Variants in USP34 observed in about 807,000 individuals in gnomAD.
USP34 encodes ubiquitin specific peptidase 34, also known as ubiquitin carboxyl-terminal hydrolase 34.
USP34 carries 70 observed loss-of-function variants against 460.3 expected under a neutral mutation model. The ratio of observed to expected loss-of-function variants is 0.15; its 90% CI spans 0.13 to 0.19. The LOEUF is 0.19. USP34 is among the 10% of genes least tolerant of loss of function. The pLI, the probability that USP34 is intolerant of heterozygous loss-of-function variation, is 1.00. For synonymous variants in USP34, 1,647 were observed against 1,405.3 expected, an observed-to-expected ratio of 1.17 and a Z score of -3.85; for missense variants, 3,985 against 4,236.2, an observed-to-expected ratio of 0.94 and a Z score of 1.65.
intron 1 of USP34, among the ~76,000 whole-genome samples, chr2:61,427,097 G>C (rs1446405750): frequency 1.1e-4 from 16 of 152,136 alleles, no homozygotes; most frequent in Admixed American, 1.0e-3. Context: ...GCACGATCTC[G>C]GCTTACTGCA....
In USP34 at chr2:61,239,300, T is replaced by TCTCACACA. The variant is rs1213558114; in HGVS notation, c.6777+2259_6777+2260insTGTGTGAG. On this transcript the variant is annotated intron_variant, in intron 53 of 79. Coordinates refer to ENST00000398571, the MANE Select transcript of USP34 (RefSeq NM_014709.4). Reference sequence around the variant, plus strand: ...TTCCTCACTTTAAATGAGGGCCCTGTCACACACACACACACACACACACAC... The same window carrying TCTCACACA: ...TTCCTCACTTTAAATGAGGGCCCTGTCTCACACACACACACACACACACACACACACAC... 2.7e-3 allele frequency among the ~76,000 whole-genome samples: 356 copies of TCTCACACA among 132,844 alleles called. 2 individuals are homozygous for TCTCACACA. The highest frequency in any genetic ancestry group is 9.6e-3 in the African/African-American group (336 of 34,872). 87.2% of individuals were successfully genotyped at this position (132,844 alleles called of 152,430 possible).
chr2:61,353,133 C>G (rs1691994177), intron 10 of USP34, among the ~76,000 whole-genome samples: 1 of 152,198 alleles, frequency 6.6e-6, no homozygotes, highest in Non-Finnish European at 1.5e-5. Flanking sequence ...TCTGGTACAG[C>G]TTCTGGAGAC....
intron 48 of USP34, among the ~76,000 whole-genome samples, chr2:61,249,321 G>A (rs941612854): frequency 6.6e-6 from 1 of 152,308 alleles, no homozygotes; most frequent in Middle Eastern, 3.4e-3. Context: ...AACCAAAAGG[G>A]CCACTAAGTG....
rs1474802348 is a variant in USP34, at chr2:61,226,315, T to C, written c.7595+752A>G. ...CTCAAGTTTTTTGCCACTCTGCATATGCACACGTCTGTGAATGACTGCAAA... is the reference window on the plus strand; with the variant it reads ...CTCAAGTTTTTTGCCACTCTGCATACGCACACGTCTGTGAATGACTGCAAA... On this transcript the variant is annotated intron_variant, in intron 62 of 79. Coordinates refer to ENST00000398571, the MANE Select transcript of USP34 (RefSeq NM_014709.4). Among the ~76,000 whole-genome samples, 5 of 152,352 alleles carry C rather than the reference T, an allele frequency of 3.3e-5. No homozygotes were observed. In the East Asian group the frequency reaches 7.7e-4, roughly 23 times the overall value.
chr2:61,353,473 C>CG (rs2103792567), intron 10 of USP34, among the ~76,000 whole-genome samples: 1 of 151,266 alleles, frequency 6.6e-6, no homozygotes, highest in African/African-American at 2.4e-5. Flanking sequence ...CTCACTGCCA[C>CG]GTGTGCCTCC....
At chr2:61,256,499 A>G (rs781563408) in intron 47 of USP34, 21 bp from the exon 48 acceptor site, 3 of 1,527,296 alleles carry the variant, frequency 2.0e-6, no homozygotes, top group Middle Eastern at 1.7e-4. Context: ...AACCACATTT[A>G]AAAGTTTCAT....
intron 10 of USP34, among the ~76,000 whole-genome samples, chr2:61,351,607 A>G (rs1367519002): frequency 9.9e-5 from 15 of 152,186 alleles, no homozygotes. Flanking sequence ...ATCTATTAAA[A>G]TATAGATTTT....
chr2:61,206,207 C>CG (rs1687114139), intron 71 of USP34, 83 bp from the exon 72 acceptor site: 1 of 1,147,192 alleles, frequency 8.7e-7, no homozygotes, highest in Non-Finnish European at 1.3e-6. Flanking sequence ...CTACAGAATG[C>CG]TAATGCTAGA....
chr2:61,460,878 G>C (rs1332234765), intron 1 of USP34, among the ~76,000 whole-genome samples: 1 of 151,466 alleles, frequency 6.6e-6, no homozygotes, highest in Non-Finnish European at 1.5e-5. Flanking sequence ...AGGTACTCGA[G>C]AGGCTGAGGC....
intron 1 of USP34, among the ~76,000 whole-genome samples, chr2:61,469,542 C>T (rs997254671): frequency 6.6e-6 from 1 of 152,152 alleles, no homozygotes; most frequent in Non-Finnish European, 1.5e-5. Context: ...TAAGTTAGAA[C>T]CCTTCCACTT....
chr2:61,247,203 A>T (rs1171368351), intron 49 of USP34, among the ~76,000 whole-genome samples: 1 of 152,246 alleles, frequency 6.6e-6, no homozygotes, highest in Non-Finnish European at 1.5e-5. Flanking sequence ...ATGATTTATG[A>T]TCTGTATTCC....
intron 8 of USP34, among the ~76,000 whole-genome samples, chr2:61,377,019 A>G (rs1392797401): frequency 2.0e-5 from 3 of 152,210 alleles, no homozygotes; most frequent in Non-Finnish European, 4.4e-5. Flanking sequence ...CTTCTAATAT[A>G]ATCCAGAATT....
chr2:61,457,735 C>T (rs932842616), intron 1 of USP34, among the ~76,000 whole-genome samples: 2 of 152,142 alleles, frequency 1.3e-5, no homozygotes, highest in African/African-American at 4.8e-5. Context: ...ATCATGAGCA[C>T]CTGTAGTCCC....
chr2:61,203,154 G>A lies in USP34; in HGVS notation c.9494C>T (p.Thr3165Ile). 1 of 1,589,034 alleles carries A rather than the reference G, an allele frequency of 6.3e-7. No homozygotes were observed. The highest frequency in any genetic ancestry group is 8.6e-7 in the Non-Finnish European group (1 of 1,167,178). The change falls in exon 75 of 80, where the codon ACA becomes ATA. Residue 3165 changes from threonine to isoleucine, a missense_variant. Physicochemically the swap from Thr to Ile is moderately conservative, Grantham distance 89. Around this residue, in one of 14 missense-constraint regions of USP34, gnomAD observed 28 missense variants for 36.8 expected, o/e 0.76. Transcript: ENST00000398571. Reference sequence around the variant, plus strand: ...TTTATACTTACTCAGCTTAACTAATGTTTCAGTAAATTTTTCACAGTTGAT... The same window carrying A: ...TTTATACTTACTCAGCTTAACTAATATTTCAGTAAATTTTTCACAGTTGAT... ...VAINCEKFTE[T>I]LVKLSVLVAY...
chr2:61,346,528 A>T (rs1412320851), intron 15 of USP34, among the ~76,000 whole-genome samples: 5 of 22,538 alleles, frequency 2.2e-4, no homozygotes, highest in South Asian at 1.6e-3. Flanking sequence ...CCTATCTCTT[A>T]AAAAAAAAAA....
chr2:61,374,142 C>T (rs1374927786), intron 8 of USP34, among the ~76,000 whole-genome samples: 1 of 135,472 alleles, frequency 7.4e-6, no homozygotes, highest in Non-Finnish European at 1.5e-5. Context: ...GGCAATAGAG[C>T]GAGACTCCAT....
intron 41 of USP34, among the ~76,000 whole-genome samples, chr2:61,269,338 T>C (rs974793160): frequency 2.6e-5 from 4 of 151,194 alleles, no homozygotes; most frequent in African/African-American, 9.7e-5. Flanking sequence ...TTTTTTTTTT[T>C]TTTTTTTAAT....
At chr2:61,305,018 T>C (rs1270103040) in intron 27 of USP34, among the ~76,000 whole-genome samples, 1 of 152,144 alleles carries the variant, frequency 6.6e-6, no homozygotes, top group East Asian at 1.9e-4. Context: ...TCCAATAAAA[T>C]AAATTTTAAA....
chr2:61,281,299 G>C, intron 37 of USP34, 57 bp from the exon 38 acceptor site: 1 of 1,544,566 alleles, frequency 6.5e-7, no homozygotes, highest in Non-Finnish European at 8.8e-7. Context: ...AAGTTAATAT[G>C]TTAGCAGAAA....
Sources: allele counts gnomAD v4.1 joint callset (sites outside exome capture counted in the v4.1 genomes callset), GRCh38; gene constraint gnomAD v4.1.1; regional missense constraint gnomAD v4.1.1; transcripts MANE v1.5; gene names NCBI Gene and HGNC (gene_info 2026-07-23, HGNC 2026-07-21).